ERN2: variants seen among roughly 807,000 people sequenced by gnomAD.
ERN2 encodes the protein endoplasmic reticulum to nucleus signaling 2.
A neutral mutation model predicts 107.9 loss-of-function variants in ERN2; 111 were observed. That is an observed-to-expected ratio of 1.03 (90% CI 0.88 to 1.20). The LOEUF (loss-of-function observed/expected upper bound fraction) is 1.20, where lower values mean the gene tolerates loss of function less well. ERN2 is among the 50% of genes most tolerant of loss of function. The pLI is 0.00. For missense variants in ERN2, 1,225 were observed against 1,197.9 expected (o/e 1.02, Z -0.33); for synonymous variants, 524 against 501.7 (o/e 1.04, Z -0.59).
chr16:23,695,858 G>C, intron 14 of ERN2, 36 bp downstream of exon 14: 1 of 1,557,110 alleles, frequency 6.4e-7, no homozygotes, highest in Non-Finnish European at 8.9e-7. Flanking sequence ...GGCTGTGAGT[G>C]CCATGTCCCC....
In ERN2 at chr16:23,704,987, T is replaced by C; in HGVS notation, c.750A>G (p.Arg250=). Residue 250 remains arginine, a synonymous_variant, in exon 8 of 22, where the codon CGA becomes CGG. Coordinates refer to ENST00000256797, the MANE Select transcript of ERN2 (RefSeq NM_033266.4). ...LRQLPHLTLA[R]DTLHFLALRW... is the part of the protein sequence containing the mutation. ...GGAGGGCGAGGAAATGCAGAGTGTC[T>C]CGAGCCAGCGTGAGATGCGGCAGCT... is the stretch of plus-strand genomic sequence containing the variant. 1 of 1,613,940 alleles carries C rather than the reference T, an allele frequency of 6.2e-7. No homozygotes were observed. Among genetic ancestry groups the C allele is most frequent in the Non-Finnish European group, 8.5e-7 (1 of 1,180,008 alleles).
At position 23,691,151 on chromosome 16, in the gene ERN2, A is replaced by G. The variant is rs1298081505; in HGVS notation, c.2546T>C (p.Leu849Pro). 6.2e-6 allele frequency: 10 copies of G among 1,613,940 alleles called. No individual in the cohort carries two copies. The highest frequency in any genetic ancestry group is 1.7e-5 in the Admixed American group (1 of 60,004). ...RSYKGTSVRD[L>P]LRAVRNKKHH... is the part of the protein sequence containing the mutation. ...TACCTTGTTCCTCACAGCACGGAGCAGGTCTCGCACTGATGTCCCCTTATA... is the reference window on the plus strand; with the variant it reads ...TACCTTGTTCCTCACAGCACGGAGCGGGTCTCGCACTGATGTCCCCTTATA... The change falls in exon 21 of 22, where the codon CTG (leucine) becomes CCG (proline). Residue 849 changes from leucine (L) to proline (P), a missense_variant. Transcript: ENST00000256797.
chr16:23,699,001 G>C (rs1959939534), intron 13 of ERN2, among the ~76,000 whole-genome samples: 2 of 152,212 alleles, frequency 1.3e-5, no homozygotes, highest in African/African-American at 4.8e-5. Flanking sequence ...TGGAGTCCTG[G>C]TTGTCCAGGT....
chr16:23,700,586 C>T lies in ERN2; in HGVS notation c.1478G>A (p.Arg493Lys), dbSNP rs1960007220. 1 of 1,614,116 alleles carries T rather than the reference C, an allele frequency of 6.2e-7. No homozygotes were observed. The highest frequency in any genetic ancestry group is 8.5e-7 in the Non-Finnish European group (1 of 1,180,000). ...GGCTTGCTTTGAGGGACTCTGAAGC[C>T]TCTTCTGGCTCCTCCGGCTGGCCCC... ...HSGASRRSQKRLQSPSKQAQP... is the reference protein window; with the variant it reads ...HSGASRRSQKKLQSPSKQAQP... The change falls in exon 13 of 22, where the codon AGG becomes AAG. Residue 493 changes from arginine to lysine, a missense_variant. Transcript: ENST00000256797.
rs1960356960 is a variant in ERN2, at chr16:23,707,238, G to A, written c.307-159C>T. ...GGGCTTGGAGAGGCCATGTAACTTG[G>A]CTAATGTCACACAGCTACTAAATGG... On this transcript the variant is annotated intron_variant, in intron 4 of 21. Transcript: ENST00000256797. The A allele has an allele frequency of 6.2e-6, 4 of 641,740 alleles. No individual in the cohort carries two copies. In the African/African-American group the frequency reaches 7.3e-5, roughly 12 times the overall value. The allele number at this position is 641,740 out of a possible 1,614,324, so 39.8% of individuals were successfully genotyped here.
intron 13 of ERN2, among the ~76,000 whole-genome samples, chr16:23,697,877 C>T (rs566537753): frequency 8.5e-5 from 13 of 152,204 alleles, no homozygotes; most frequent in Middle Eastern, 3.4e-3. Context: ...CTGCCTCAGC[C>T]CCCCAAGCAG....
chr16:23,702,102 C>T (rs542141259), intron 11 of ERN2, 50 bp downstream of exon 11: 34 of 1,574,302 alleles, frequency 2.2e-5, no homozygotes, highest in East Asian at 2.0e-4. Context: ...GCTATTCCCC[C>T]CATCTGCTGG....
chr16:23,695,355 G>A lies in ERN2; in HGVS notation c.1645C>T (p.Arg549Trp). The change falls in exon 15 of 22, where the codon CGG (arginine) becomes TGG (tryptophan). Residue 549 changes from arginine to tryptophan, a missense_variant. Coordinates refer to ENST00000256797, the MANE Select transcript of ERN2 (RefSeq NM_033266.4). ...QFEGRAVAVK[R>W]LLRECFGLVR... ...AGGCCAAAGCACTCGCGGAGGAGCCGCTTGACAGCCACTGCCCGTCCCTCA... is the reference window on the plus strand; with the variant it reads ...AGGCCAAAGCACTCGCGGAGGAGCCACTTGACAGCCACTGCCCGTCCCTCA... 6.2e-7 allele frequency: 1 copy of A among 1,606,774 alleles called. No homozygotes were observed. Among genetic ancestry groups the A allele is most frequent in the Non-Finnish European group, 8.5e-7 (1 of 1,176,842 alleles).
intron 17 of ERN2, 81 bp from the exon 18 acceptor site, chr16:23,692,412 A>G: frequency 6.7e-7 from 1 of 1,494,168 alleles, no homozygotes. Flanking sequence ...ATGGGCTGAT[A>G]GAGCTGCCAG....
At chr16:23,701,191 A>T in intron 11 of ERN2, 77 bp from the exon 12 acceptor site, 5 of 1,462,764 alleles carry the variant, frequency 3.4e-6, no homozygotes, top group South Asian at 1.3e-5. Flanking sequence ...CACCCAGCAC[A>T]GAGCTGGGCT....
Position 23,692,055 on chromosome 16 carries a change from A to G in ERN2, c.2284T>C (p.Leu762=). The change falls in exon 19 of 22, where the codon TTG becomes CTG. Residue 762 remains leucine (L), a synonymous_variant. Coordinates refer to ENST00000256797, the MANE Select transcript of ERN2 (RefSeq NM_033266.4). ...GGGCGTGGCTGCGGCAGTGGGCTCAACATGGCTCCAACCAGGTCCCGGGCA... is the reference window on the plus strand; with the variant it reads ...GGGCGTGGCTGCGGCAGTGGGCTCAGCATGGCTCCAACCAGGTCCCGGGCA... ...VVARDLVGAM[L]SPLPQPRPSA... 1 of 1,613,868 alleles carries G rather than the reference A, an allele frequency of 6.2e-7. No individual in the cohort carries two copies. Among genetic ancestry groups the G allele is most frequent in the Non-Finnish European group, 8.5e-7 (1 of 1,180,036 alleles).
chr16:23,711,058 CTGGGA>C, intron 1 of ERN2, 40 bp from the exon 2 acceptor site: 1 of 1,398,126 alleles, frequency 7.2e-7, no homozygotes, highest in Non-Finnish European at 1.0e-6. Flanking sequence ...TCTGAGGGGT[CTGGGA>C]CCACCCTTTG....
chr16:23,707,184 T>C, intron 4 of ERN2, 105 bp from the exon 5 acceptor site: 1 of 811,432 alleles, frequency 1.2e-6, no homozygotes, highest in Non-Finnish European at 2.2e-6. Flanking sequence ...GGTATTACTA[T>C]CATTTCCACT....
In ERN2 at chr16:23,710,905, T is replaced by C. The variant is rs1297054015; in HGVS notation, c.199+8A>G. ...CCAAGGAGGGAGGAGGGACCACCTCTTGCTCACCATCCCTCAGAGTCCACT... is the reference window on the plus strand; with the variant it reads ...CCAAGGAGGGAGGAGGGACCACCTCCTGCTCACCATCCCTCAGAGTCCACT... On this transcript the variant is annotated splice_region_variant and intron_variant, in intron 2 of 21. Transcript: ENST00000256797. 6.2e-7 allele frequency: 1 copy of C among 1,602,252 alleles called. No individual in the cohort carries two copies.
intron 13 of ERN2, 51 bp downstream of exon 13, chr16:23,700,488 C>T: frequency 6.5e-7 from 1 of 1,541,506 alleles, no homozygotes; most frequent in Non-Finnish European, 8.8e-7. Context: ...CTAAATCTGC[C>T]CCTGGCTTTT....
chr16:23,693,307 C>G (rs1390664686), intron 17 of ERN2, among the ~76,000 whole-genome samples: 1 of 151,788 alleles, frequency 6.6e-6, no homozygotes, highest in Non-Finnish European at 1.5e-5. Context: ...ATATATAGGG[C>G]CAAGCACAGT....
At position 23,706,376 on chromosome 16, in the gene ERN2, G is replaced by A. The variant is rs1312547650; in HGVS notation, c.543C>T (p.Thr181=). 3 of 1,570,330 alleles carry A rather than the reference G, an allele frequency of 1.9e-6. No individual in the cohort carries two copies. The highest frequency in any genetic ancestry group is 2.6e-6 in the Non-Finnish European group (3 of 1,158,880). Residue 181 remains threonine (T), a synonymous_variant, in exon 7 of 22, where the codon ACC becomes ACT. Coordinates refer to ENST00000256797, the MANE Select transcript of ERN2 (RefSeq NM_033266.4). The part of the protein sequence containing the change: ...PRAPALRWNT[T]YRRYSAPPMD... ...TGGGGGGCGCTGAGTAGCGGCGGTA[G>A]GTGGTGTTCCAGCGCAGGGCTGGGG...
rs771397954 is a variant in ERN2 at position 23,695,400 on chromosome 16, G to T, written c.1611-11C>A. The T allele has an allele frequency of 9.6e-5, 151 of 1,576,332 alleles. No individual in the cohort carries two copies. The highest frequency in any genetic ancestry group is 2.4e-4 in the Admixed American group (13 of 53,488). On this transcript the variant is annotated splice_polypyrimidine_tract_variant and intron_variant, in intron 14 of 21. Transcript: ENST00000256797. ...CCCTCAAACTGTCCCCTGGAAAGTG[G>T]GTGATGGCGGGGGCAGGGGGGCATT... is the stretch of plus-strand genomic sequence containing the variant.
Position 23,702,543 on chromosome 16 carries a change from G to A in ERN2, c.934-6C>T. 1 of 1,613,978 alleles carries A rather than the reference G, an allele frequency of 6.2e-7. No homozygotes were observed. Among genetic ancestry groups the A allele is most frequent in the Non-Finnish European group, 8.5e-7 (1 of 1,179,902 alleles). ...GCCAGGGTCAGTCCACGAGGCTATG[G>A]CAGAAGATGGAGAGCCATGAGTGAG... On this transcript the variant is annotated splice_region_variant and splice_polypyrimidine_tract_variant and intron_variant, in intron 9 of 21. Transcript: ENST00000256797.
Sources: allele counts gnomAD v4.1 joint callset (sites outside exome capture counted in the v4.1 genomes callset), GRCh38; gene constraint gnomAD v4.1.1; transcripts MANE v1.5; gene names NCBI Gene and HGNC (gene_info 2026-07-23, HGNC 2026-07-21).